BARD1: variants seen among roughly 807,000 people sequenced by gnomAD.
BARD1 encodes BRCA1 associated RING domain 1.
BARD1 carries 73 observed loss-of-function variants against 77.0 expected under a neutral mutation model. The ratio of observed to expected loss-of-function variants is 0.95; its 90% CI spans 0.79 to 1.15. The LOEUF (loss-of-function observed/expected upper bound fraction) is 1.15, where lower values mean the gene tolerates loss of function less well. Among genes scored for constraint, BARD1 ranks in the 50% most tolerant of loss-of-function variants. BARD1 has a pLI of 0.00. For missense variants in BARD1, 993 were observed against 938.8 expected, an observed-to-expected ratio of 1.06 and a Z score of -0.75; for synonymous variants, 384 against 338.0, an observed-to-expected ratio of 1.14 and a Z score of -1.49.
chr2:214,790,006 A>T (rs528685947), intron 3 of BARD1, among the ~76,000 whole-genome samples: 75 of 152,306 alleles, frequency 4.9e-4, no homozygotes, highest in African/African-American at 1.8e-3. Context: ...AAGGCCTCAG[A>T]AACTTGTTCT....
Position 214,797,363 on chromosome 2 carries a change from C to T in BARD1, c.159-246G>A, listed in dbSNP as rs572928838. On this transcript the variant is annotated intron_variant, in intron 1 of 10. Transcript: ENST00000260947. ...TGTAATACATTTTAAAATGTATTTT[C>T]TAGAAAGTTGGAGAAAGGAACAATT... 5.9e-5 allele frequency among the ~76,000 whole-genome samples: 9 copies of T among 152,258 alleles called. No individual in the cohort carries two copies. The East Asian group carries it at 1.7e-3, about 29-fold the overall frequency.
rs199780731 is a variant in BARD1, at chr2:214,792,428, C to T, written c.233G>A (p.Cys78Tyr). The change falls in exon 3 of 11, where the codon TGC becomes TAC. Residue 78 changes from cysteine (C) to tyrosine (Y), a missense_variant. Cys to Tyr is a radical substitution (Grantham distance 194). Coordinates refer to ENST00000260947, the MANE Select transcript of BARD1 (RefSeq NM_000465.4). ...HIFCSNCVSD[C>Y]IGTGCPVCYT... ...ACACACTGGACATCCAGTTCCAATG[C>T]AGTCACTTACACAATTACTTTAAAA... The T allele has an allele frequency of 1.3e-5, 21 of 1,603,354 alleles. No homozygotes were observed. In the East Asian group the frequency reaches 3.8e-4, roughly 29 times the overall value.
rs113038502 is a variant in BARD1 at position 214,742,097 on chromosome 2, T to C, written c.1903+2970A>G. On this transcript the variant is annotated intron_variant, in intron 9 of 10. Transcript: ENST00000260947. ...GAAGTTTTGTCTACCAGCAAGTTAA[T>C]GGACAGACTCAAACATGAGACCTAG... is the stretch of plus-strand genomic sequence containing the variant. 3.0e-3 allele frequency among the ~76,000 whole-genome samples: 452 copies of C among 152,338 alleles called. 4 individuals carry two copies. The highest frequency in any genetic ancestry group is 0.01 in the African/African-American group (423 of 41,578).
chr2:214,774,876 T>C (rs1273637445), intron 4 of BARD1, among the ~76,000 whole-genome samples: 1 of 152,228 alleles, frequency 6.6e-6, no homozygotes, highest in Non-Finnish European at 1.5e-5. Flanking sequence ...ATTGTTATAT[T>C]ATGGAGACAG....
intron 6 of BARD1, among the ~76,000 whole-genome samples, chr2:214,757,895 C>CT (rs1428061553): frequency 6.6e-6 from 1 of 151,560 alleles, no homozygotes; most frequent in Non-Finnish European, 1.5e-5. Context: ...GTGTGAAGGA[C>CT]TTTAAGTGAG....
At chr2:214,764,738 G>A (rs777691006) in intron 6 of BARD1, among the ~76,000 whole-genome samples, 2 of 152,126 alleles carry the variant, frequency 1.3e-5, no homozygotes, top group African/African-American at 4.8e-5. Flanking sequence ...CAGGTGCTCT[G>A]GCTGCAGGAT....
intron 6 of BARD1, among the ~76,000 whole-genome samples, chr2:214,760,412 C>G (rs968462996): frequency 6.6e-6 from 1 of 152,132 alleles, no homozygotes; most frequent in Non-Finnish European, 1.5e-5. Context: ...AGGCTAGTCT[C>G]GAACTCCTGA....
chr2:214,770,741 T>C (rs564359844), intron 4 of BARD1, among the ~76,000 whole-genome samples: 1 of 152,134 alleles, frequency 6.6e-6, no homozygotes, highest in African/African-American at 2.4e-5. Flanking sequence ...ACAAAAAAAA[T>C]AGCTTCCCTC....
chr2:214,755,776 A>G (rs1378091955), intron 6 of BARD1, among the ~76,000 whole-genome samples: 1 of 152,230 alleles, frequency 6.6e-6, no homozygotes, highest in Non-Finnish European at 1.5e-5. Flanking sequence ...TCAGATATAA[A>G]GCAATGAACA....
At position 214,769,237 on chromosome 2, in the gene BARD1, G is replaced by A. The variant is rs1553619693; in HGVS notation, c.1390C>T (p.Pro464Ser). 6.8e-6 allele frequency: 11 copies of A among 1,610,582 alleles called. No homozygotes were observed. Among genetic ancestry groups the A allele is most frequent in the South Asian group, 1.1e-5 (1 of 90,996 alleles). Reference protein sequence around the residue: ...PNVKDHAGWTPLHEACNHGHL... With the variant: ...PNVKDHAGWTSLHEACNHGHL... The stretch of plus-strand genomic sequence containing the variant: ...AATAAAAACCAGACAACTACCAATG[G>A]TGTCCATCCAGCATGGTCTTTAACA... The change falls in exon 5 of 11, where the codon CCA becomes TCA. Residue 464 changes from proline to serine, a missense_variant. Pro to Ser is a moderately conservative substitution (Grantham distance 74). Coordinates refer to ENST00000260947, the MANE Select transcript of BARD1 (RefSeq NM_000465.4).
At chr2:214,761,470 A>G (rs1400016362) in intron 6 of BARD1, among the ~76,000 whole-genome samples, 1 of 152,220 alleles carries the variant, frequency 6.6e-6, no homozygotes. Context: ...GATGCACAAC[A>G]CCAAGTCAAG....
At chr2:214,751,135 ATATATATATATATATATTTTTTTTTTTT>A (rs1693412176) in intron 7 of BARD1, among the ~76,000 whole-genome samples, 3 of 16,870 alleles carry the variant, frequency 1.8e-4, no homozygotes, top group Non-Finnish European at 5.2e-4. Context: ...ATATATATAT[ATATATATATATATATATTTTTTTTTTTT>A]TTTTTTTTTT....
chr2:214,757,549 G>GAT (rs145095300), intron 6 of BARD1, among the ~76,000 whole-genome samples: 2,252 of 151,966 alleles, frequency 0.015, 12 homozygotes, highest in Middle Eastern at 0.031. Context: ...CATAATGCAT[G>GAT]ATATATATAT....
intron 1 of BARD1, among the ~76,000 whole-genome samples, chr2:214,808,175 A>C (rs1696362464): frequency 6.6e-6 from 1 of 152,162 alleles, no homozygotes; most frequent in Admixed American, 6.5e-5. Context: ...TTTGGGAGGC[A>C]GAGGCGGGCG....
Position 214,746,345 on chromosome 2 carries a change from C to T in BARD1, c.1678-491G>A, listed in dbSNP as rs1271045630. Among the ~76,000 whole-genome samples the T allele has an allele frequency of 2.6e-5, 4 of 152,024 alleles. No homozygotes were observed. In the East Asian group the frequency reaches 7.7e-4, roughly 29 times the overall value. On this transcript the variant is annotated intron_variant, in intron 7 of 10. Coordinates refer to ENST00000260947, the MANE Select transcript of BARD1 (RefSeq NM_000465.4). ...AACAAATTAGCATCAAAATAGTAACCCCTCAAAACTAGGAAAAGATAAAAA... is the reference window on the plus strand; with the variant it reads ...AACAAATTAGCATCAAAATAGTAACTCCTCAAAACTAGGAAAAGATAAAAA...
chr2:214,796,106 A>C (rs1178847720), intron 2 of BARD1, among the ~76,000 whole-genome samples: 1 of 152,212 alleles, frequency 6.6e-6, no homozygotes, highest in Non-Finnish European at 1.5e-5. Context: ...AAATAATTAA[A>C]AGATTAATTC....
At position 214,767,672 on chromosome 2, in the gene BARD1, AAAAGAAGTG is replaced by A; in HGVS notation, c.1396-27_1396-19del. 3 of 1,611,090 alleles carry A rather than the reference AAAAGAAGTG, an allele frequency of 1.9e-6. No homozygotes were observed. The highest frequency in any genetic ancestry group is 2.5e-6 in the Non-Finnish European group (3 of 1,177,764). ...GCTTCATGCTAATTAAATTTTTTGA[AAAAGAAGTG>A]AAAGAAGTGATAAGAAAGAGCAATG... is the stretch of plus-strand genomic sequence containing the variant. On this transcript the variant is annotated intron_variant, in intron 5 of 10. Transcript: ENST00000260947.
At position 214,769,512 on chromosome 2, in the gene BARD1, T is replaced by C. The variant is rs6435857; in HGVS notation, c.1315-200A>G. The stretch of plus-strand genomic sequence containing the variant: ...ATCCCAACACTTTGAGAGGCCAAGG[T>C]GGGTGGATCACCTGAGGTCAGGAGT... On this transcript the variant is annotated intron_variant, in intron 4 of 10. Coordinates refer to ENST00000260947, the MANE Select transcript of BARD1 (RefSeq NM_000465.4). Among the ~76,000 whole-genome samples the C allele has an allele frequency of 0.76, 114,772 of 151,924 alleles. 44,173 individuals are homozygous for C. The highest frequency in any genetic ancestry group is 0.95 in the East Asian group (4,902 of 5,164).
chr2:214,801,887 T>A (rs971176564), intron 1 of BARD1, among the ~76,000 whole-genome samples: 1 of 143,932 alleles, frequency 6.9e-6, no homozygotes, highest in Non-Finnish European at 1.5e-5. Flanking sequence ...TAAAACAAGA[T>A]CTTGCTCTGT....
Sources: allele counts gnomAD v4.1 joint callset (sites outside exome capture counted in the v4.1 genomes callset), GRCh38; gene constraint gnomAD v4.1.1; transcripts MANE v1.5; gene names NCBI Gene and HGNC (gene_info 2026-07-23, HGNC 2026-07-21).